The following RBMS3 variants were observed in gnomAD, a reference collection of about 807,000 sequenced individuals.
RBMS3 encodes the protein RNA binding motif single stranded interacting protein 3.
A neutral mutation model predicts 66.8 loss-of-function variants in RBMS3; 27 were observed. The ratio of observed to expected loss-of-function variants is 0.40; its 90% CI spans 0.30 to 0.56. The LOEUF (loss-of-function observed/expected upper bound fraction) is 0.56, where lower values mean the gene tolerates loss of function less well. Ranked by LOEUF, RBMS3 falls within the 20% of genes least tolerant of loss-of-function variation. The pLI is 0.40. For missense variants in RBMS3, 513 were observed against 549.5 expected, an observed-to-expected ratio of 0.93 and a Z score of 0.66; for synonymous variants, 188 against 183.0, an observed-to-expected ratio of 1.03 and a Z score of -0.22.
chr3:29,308,621 T>C lies in RBMS3; in HGVS notation c.75+26865T>C, dbSNP rs146872680. Reference sequence around the variant, plus strand: ...TGAAAATTTCATGGAGGATGTGCGATTTGATATGAATTTTAAATAATTTAT... The same window carrying C: ...TGAAAATTTCATGGAGGATGTGCGACTTGATATGAATTTTAAATAATTTAT... On this transcript the variant is annotated intron_variant, in intron 1 of 14. Coordinates refer to ENST00000383767, the MANE Select transcript of RBMS3 (RefSeq NM_001003793.3). Among the ~76,000 whole-genome samples, 786 of 151,658 alleles carry C rather than the reference T, an allele frequency of 5.2e-3. 13 individuals carry two copies. Among genetic ancestry groups the C allele is most frequent in the African/African-American group, 0.018 (751 of 41,436 alleles).
chr3:29,653,278 T>C (rs2050206313), intron 4 of RBMS3, among the ~76,000 whole-genome samples: 2 of 152,204 alleles, frequency 1.3e-5, no homozygotes, highest in Non-Finnish European at 2.9e-5. Flanking sequence ...TTGGGATTAG[T>C]ATACTTATAT....
intron 6 of RBMS3, among the ~76,000 whole-genome samples, chr3:29,837,663 C>CATATATATATATATATATAT (rs3070797): frequency 1.5e-5 from 1 of 67,662 alleles, no homozygotes; most frequent in Non-Finnish European, 2.8e-5. Flanking sequence ...ATATAATGAA[C>CATATATATATATATATATAT]ATATATATAT....
intron 5 of RBMS3, among the ~76,000 whole-genome samples, chr3:29,745,779 C>A (rs551233667): frequency 7.2e-5 from 11 of 152,088 alleles, no homozygotes; most frequent in Non-Finnish European, 1.3e-4. Flanking sequence ...TAATCTGATT[C>A]TCATGGAGCT....
At chr3:29,847,800 C>T (rs921402081) in intron 6 of RBMS3, among the ~76,000 whole-genome samples, 2 of 152,118 alleles carry the variant, frequency 1.3e-5, no homozygotes, top group African/African-American at 2.4e-5. Flanking sequence ...GGACTACAGG[C>T]GCTCGCCGTC....
rs763860421 is a variant in RBMS3, at chr3:29,587,233, T to C, written c.399+28T>C. On this transcript the variant is annotated intron_variant, in intron 4 of 14. Coordinates refer to ENST00000383767, the MANE Select transcript of RBMS3 (RefSeq NM_001003793.3). ...AAGATTGATGTTTAGGGGTGTTTTT[T>C]TTTTTTTTTTTTTTTTGTGTGTGTG... The C allele has an allele frequency of 2.2e-3, 1,527 of 706,258 alleles. 18 individuals are homozygous for C. The highest frequency in any genetic ancestry group is 7.2e-3 in the African/African-American group (258 of 36,054). 43.7% of individuals were successfully genotyped at this position (706,258 alleles called of 1,614,324 possible). A position where few individuals can be genotyped will look rare whatever the true frequency, so the allele number is the denominator to read the frequency against.
chr3:29,514,149 G>A (rs761976709), intron 3 of RBMS3, among the ~76,000 whole-genome samples: 4 of 152,106 alleles, frequency 2.6e-5, no homozygotes, highest in Non-Finnish European at 4.4e-5. Context: ...ATGTAAGGAA[G>A]GGATTATTAC....
intron 2 of RBMS3, among the ~76,000 whole-genome samples, chr3:29,482,002 G>A (rs537514023): frequency 5.5e-4 from 83 of 152,238 alleles, no homozygotes; most frequent in Non-Finnish European, 1.1e-3. Context: ...GGTGCTGAGG[G>A]GTTGAGTAAT....
chr3:29,795,822 T>C (rs1224900808), intron 6 of RBMS3, among the ~76,000 whole-genome samples: 1 of 152,150 alleles, frequency 6.6e-6, no homozygotes, highest in Non-Finnish European at 1.5e-5. Flanking sequence ...ACCCATCAAT[T>C]CACTGATTAA....
chr3:29,663,192 T>C (rs2050622563), intron 4 of RBMS3, among the ~76,000 whole-genome samples: 1 of 152,210 alleles, frequency 6.6e-6, no homozygotes, highest in South Asian at 2.1e-4. Flanking sequence ...GAATAAATTT[T>C]TTTAAATGGC....
chr3:29,282,033 T>C (rs2031843652), intron 1 of RBMS3, among the ~76,000 whole-genome samples: 1 of 152,160 alleles, frequency 6.6e-6, no homozygotes, highest in Admixed American at 6.6e-5. Flanking sequence ...GGTCCTGATA[T>C]CAGGAACGTC....
chr3:29,916,053 T>C (rs758332029), intron 10 of RBMS3, among the ~76,000 whole-genome samples: 12 of 152,054 alleles, frequency 7.9e-5, no homozygotes, highest in Non-Finnish European at 1.3e-4. Context: ...TGTCCATTTC[T>C]ATTACACATG....
intron 6 of RBMS3, among the ~76,000 whole-genome samples, chr3:29,786,329 A>T (rs2056816629): frequency 1.3e-5 from 2 of 151,746 alleles, no homozygotes. Flanking sequence ...ACAGAACCAG[A>T]AAAAAAATAA....
intron 2 of RBMS3, among the ~76,000 whole-genome samples, chr3:29,440,245 T>G (rs1287419090): frequency 6.6e-6 from 1 of 152,210 alleles, no homozygotes; most frequent in Non-Finnish European, 1.5e-5. Flanking sequence ...ACAACATATT[T>G]TATCTAACCA....
intron 1 of RBMS3, chr3:29,391,055 A>T: frequency 2.6e-6 from 1 of 384,970 alleles, no homozygotes; most frequent in Non-Finnish European, 5.6e-6. Context: ...CTTTGTGCTG[A>T]ACAGCAAATC....
intron 12 of RBMS3, among the ~76,000 whole-genome samples, chr3:29,949,533 C>T (rs1480181493): frequency 6.6e-6 from 1 of 151,816 alleles, no homozygotes; most frequent in African/African-American, 2.4e-5. Context: ...TAAATACTGT[C>T]ACTGATATTC....
At chr3:29,734,977 T>C (rs2054314816) in intron 4 of RBMS3, among the ~76,000 whole-genome samples, 1 of 152,184 alleles carries the variant, frequency 6.6e-6, no homozygotes, top group African/African-American at 2.4e-5. Flanking sequence ...GCTAGTACTG[T>C]AGCTACTTCC....
chr3:29,633,547 A>G (rs747654726), intron 4 of RBMS3, among the ~76,000 whole-genome samples: 11 of 151,860 alleles, frequency 7.2e-5, no homozygotes, highest in Non-Finnish European at 1.6e-4. Flanking sequence ...TCCCCAATGT[A>G]CATCATCACA....
chr3:29,715,937 T>G (rs1413250391), intron 4 of RBMS3, among the ~76,000 whole-genome samples: 1 of 152,142 alleles, frequency 6.6e-6, no homozygotes, highest in Non-Finnish European at 1.5e-5. Context: ...TTTCATGTTT[T>G]GTTCTGCCAT....
chr3:29,308,443 T>C (rs969182635), intron 1 of RBMS3, among the ~76,000 whole-genome samples: 2 of 151,714 alleles, frequency 1.3e-5, no homozygotes, highest in African/African-American at 4.8e-5. Context: ...TAGTCAACAA[T>C]GAACGTATAA....
Sources: allele counts gnomAD v4.1 joint callset (sites outside exome capture counted in the v4.1 genomes callset), GRCh38; gene constraint gnomAD v4.1.1; transcripts MANE v1.5; gene names NCBI Gene and HGNC (gene_info 2026-07-23, HGNC 2026-07-21).